Variants in DRP2 observed in about 807,000 individuals in gnomAD.
DRP2 encodes the protein dystrophin related protein 2, also known as dystrophin-related protein 2.
A neutral mutation model predicts 78.2 loss-of-function variants in DRP2; 29 were observed. The ratio of observed to expected loss-of-function variants is 0.37; its 90% CI spans 0.28 to 0.51. The LOEUF (loss-of-function observed/expected upper bound fraction) is 0.51. Ranked by LOEUF, DRP2 falls within the 20% of genes least tolerant of loss-of-function variation. The pLI is 0.94. For synonymous variants in DRP2, 290 were observed against 281.9 expected (o/e 1.03, Z -0.29); for missense variants, 686 against 770.6 (o/e 0.89, Z 1.30).
Position 101,224,181 on chromosome X carries a change from G to GTTTTTTTTTTTT in DRP2, c.-166-423_-166-422insTTTTTTTTTTTT, listed in dbSNP as rs1379202759. On this transcript the variant is annotated intron_variant, in intron 1 of 23. Coordinates refer to ENST00000395209, the MANE Select transcript of DRP2 (RefSeq NM_001939.3). The stretch of plus-strand genomic sequence containing the variant: ...TCCCAAGAATAATAAATGTTTGCTG[G>GTTTTTTTTTTTT]GTTTTTTTTGTTTTTTTTTTTTTTT... Among the ~76,000 whole-genome samples, 71 of 47,649 alleles carry GTTTTTTTTTTTT rather than the reference G, an allele frequency of 1.5e-3. 5 individuals are homozygous for GTTTTTTTTTTTT. Among genetic ancestry groups the GTTTTTTTTTTTT allele is most frequent in the African/African-American group, 3.4e-3 (28 of 8,193 alleles). 41.4% of individuals were successfully genotyped at this position (47,649 alleles called of 115,157 possible).
At chrX:101,251,430 T>C (rs112511618) in intron 16 of DRP2, 12 of 134,954 alleles carry the variant, frequency 8.9e-5, no homozygotes, top group South Asian at 2.3e-4. Context: ...TAGCATTTGC[T>C]AATTTCTGTG....
At chrX:101,254,986 C>T in intron 19 of DRP2, 62 bp downstream of exon 19, 1 of 1,186,663 alleles carries the variant, frequency 8.4e-7, no homozygotes, top group Non-Finnish European at 1.1e-6. Flanking sequence ...GGGAAAGGAT[C>T]TTCAGTCGGG....
At chrX:101,231,319 C>G (rs1471924385) in intron 2 of DRP2, among the ~76,000 whole-genome samples, 1 of 112,011 alleles carries the variant, frequency 8.9e-6, no homozygotes, top group African/African-American at 3.2e-5. Flanking sequence ...TGACTGCCTC[C>G]CCTACCCATC....
At chrX:101,234,576 G>T (rs1922419463) in intron 3 of DRP2, among the ~76,000 whole-genome samples, 1 of 112,619 alleles carries the variant, frequency 8.9e-6, no homozygotes, top group South Asian at 3.7e-4. Flanking sequence ...CTCAGAGCCT[G>T]TCAGGATTCT....
At position 101,262,584 on chromosome X, in the gene DRP2, G is replaced by A. The variant is rs1349552928; in HGVS notation, c.*1963G>A. The A allele has an allele frequency of 9.0e-6, 1 of 111,500 alleles. No individual in the cohort carries two copies. The highest frequency in any genetic ancestry group is 9.6e-5 in the Admixed American group (1 of 10,448). The allele number at this position is 111,500 out of a possible 1,213,427, so 9.2% of individuals were successfully genotyped here. On this transcript the variant is annotated 3_prime_UTR_variant, in exon 24 of 24. Transcript: ENST00000395209. ...AGGAACCTAGTTTGATCTGCTGCAG[G>A]GGAGGCAGGGCAGTGGCTTGGGTCC...
chrX:101,227,421 A>T (rs1204089203), intron 2 of DRP2, among the ~76,000 whole-genome samples: 1 of 111,550 alleles, frequency 9.0e-6, no homozygotes, highest in Non-Finnish European at 1.9e-5. Flanking sequence ...GGATGGAGCT[A>T]GATAGAGGCA....
intron 19 of DRP2, 129 bp downstream of exon 19, chrX:101,255,053 G>A: frequency 9.5e-7 from 1 of 1,050,952 alleles, no homozygotes; most frequent in Non-Finnish European, 1.3e-6. Flanking sequence ...GCAGCAGCCA[G>A]CAAGACCCAA....
chrX:101,253,070 C>G (rs918685625), intron 17 of DRP2, among the ~76,000 whole-genome samples: 2 of 112,134 alleles, frequency 1.8e-5, no homozygotes, highest in African/African-American at 6.5e-5. Flanking sequence ...TTCCATTGCT[C>G]ACTTGAGTTT....
chrX:101,247,721 C>A (rs370410962), intron 12 of DRP2, among the ~76,000 whole-genome samples: 32 of 111,967 alleles, frequency 2.9e-4, no homozygotes, highest in African/African-American at 1.0e-3. Context: ...GTTCTCAGAA[C>A]AAAACTTACA....
chrX:101,237,548 G>T (rs995991424), intron 4 of DRP2, 71 bp from the exon 5 acceptor site: 3 of 998,709 alleles, frequency 3.0e-6, no homozygotes, highest in African/African-American at 1.9e-5. Context: ...ATATAACTTA[G>T]TTTGGAAAAA....
At chrX:101,257,429 TAAAAAAAAAA>T (rs57717609) in intron 21 of DRP2, among the ~76,000 whole-genome samples, 1 of 51,447 alleles carries the variant, frequency 1.9e-5, no homozygotes, top group Non-Finnish European at 3.7e-5. Flanking sequence ...CAAGGCAAGA[TAAAAAAAAAA>T]AAAAAAAAAA....
In DRP2 at chrX:101,260,224, G is replaced by A. The variant is rs1034322334; in HGVS notation, c.2749+55G>A. 6.0e-5 allele frequency: 72 copies of A among 1,192,788 alleles called. 1 individual carries two copies. Among genetic ancestry groups the A allele is most frequent in the South Asian group, 1.5e-4 (8 of 53,757 alleles). ...TTCTCCATGGCTTTGTCCTGCCCTC[G>A]ATTTCCTGCCCAAGGCTTTGCGGGG... On this transcript the variant is annotated intron_variant, in intron 23 of 23. Transcript: ENST00000395209.
At chrX:101,249,547 CA>C (rs1412904674) in intron 14 of DRP2, among the ~76,000 whole-genome samples, 1 of 111,013 alleles carries the variant, frequency 9.0e-6, no homozygotes, top group Non-Finnish European at 1.9e-5. Flanking sequence ...CACTTGAGCC[CA>C]GAAGTTCAAG....
chrX:101,264,366 G>A lies in DRP2; in HGVS notation c.*3745G>A, dbSNP rs1266380394. On this transcript the variant is annotated 3_prime_UTR_variant, in exon 24 of 24. Transcript: ENST00000395209. Reference sequence around the variant, plus strand: ...AAAGGATTTGGGGGAGGTGACAAGGGTGGCATGGAAGTCTAGGGGACAAAG... The same window carrying A: ...AAAGGATTTGGGGGAGGTGACAAGGATGGCATGGAAGTCTAGGGGACAAAG... 3.6e-5 allele frequency: 4 copies of A among 111,982 alleles called. No homozygotes were observed. The highest frequency in any genetic ancestry group is 5.6e-5 in the Non-Finnish European group (3 of 53,252). The allele number at this position is 111,982 out of a possible 1,213,427, so 9.2% of individuals were successfully genotyped here.
intron 8 of DRP2, among the ~76,000 whole-genome samples, 153 bp downstream of exon 8, chrX:101,242,624 G>A (rs1602923216): frequency 9.0e-6 from 1 of 111,536 alleles, no homozygotes; most frequent in Non-Finnish European, 1.9e-5. Context: ...CCTCTAAGCT[G>A]CAGGGAATGA....
At chrX:101,241,497 A>G (rs1039258648) in intron 6 of DRP2, among the ~76,000 whole-genome samples, 171 bp from the exon 7 acceptor site, 1 of 111,297 alleles carries the variant, frequency 9.0e-6, no homozygotes, top group Admixed American at 9.5e-5. Context: ...ACTGTATTAA[A>G]GGGCTCAACC....
intron 16 of DRP2, chrX:101,251,964 G>A (rs1355982935): frequency 1.8e-5 from 2 of 111,616 alleles, no homozygotes; most frequent in Admixed American, 9.5e-5. Context: ...CCTGCTTTTC[G>A]TAAGATGAGC....
Position 101,251,360 on chromosome X carries a change from G to T in DRP2, c.1865+277G>T, listed in dbSNP as rs149521199. Reference sequence around the variant, plus strand: ...GTGTAAGAGCACCTATGTACTAAATGGTATGCCAGCAAATGGTTCACAACC... The same window carrying T: ...GTGTAAGAGCACCTATGTACTAAATTGTATGCCAGCAAATGGTTCACAACC... On this transcript the variant is annotated intron_variant, in intron 16 of 23. Transcript: ENST00000395209. The T allele has an allele frequency of 7.1e-3, 1,369 of 193,992 alleles. 22 individuals are homozygous for T. Among genetic ancestry groups the T allele is most frequent in the African/African-American group, 0.038 (1,269 of 33,498 alleles). 16.0% of individuals were successfully genotyped at this position (193,992 alleles called of 1,213,427 possible).
intron 1 of DRP2, among the ~76,000 whole-genome samples, chrX:101,223,207 T>A (rs779686012): frequency 4.5e-5 from 5 of 111,162 alleles, no homozygotes; most frequent in Non-Finnish European, 5.7e-5. Context: ...TGCTATGTTG[T>A]CCAGGCTGAT....
Sources: gnomAD v4.1 joint callset for allele counts (sites outside exome capture counted in the v4.1 genomes callset) on GRCh38, gnomAD v4.1.1 for gene constraint, MANE v1.5 for transcripts, NCBI Gene and HGNC (gene_info 2026-07-23, HGNC 2026-07-21) for gene names.